RCOR3: variants seen among roughly 807,000 people sequenced by gnomAD.
The protein encoded by RCOR3 is REST corepressor 3.
Under a neutral mutation model 64.1 loss-of-function variants are expected in RCOR3, and 13 were observed. That is an observed-to-expected ratio of 0.20 (90% CI 0.13 to 0.32). The LOEUF is 0.32. Among genes scored for constraint, RCOR3 ranks in the 10% least tolerant of loss-of-function variants. The pLI, the probability that RCOR3 is intolerant of heterozygous loss-of-function variation, is 1.00. For missense variants in RCOR3, 489 were observed against 701.2 expected, an observed-to-expected ratio of 0.70 and a Z score of 3.42; for synonymous variants, 215 against 239.0, an observed-to-expected ratio of 0.90 and a Z score of 0.93.
rs764941008 is a variant in RCOR3 at position 211,289,354 on chromosome 1, C to A, written c.897C>A (p.Ile299=). 6.2e-7 allele frequency: 1 copy of A among 1,613,972 alleles called. No homozygotes were observed. The highest frequency in any genetic ancestry group is 1.7e-5 in the Admixed American group (1 of 59,996). ...GTAGTCCCAATGCAGCCAACACCAT[C>A]CTGAGGCAACTGGACATGGAGTTGA... The part of the protein sequence containing the change: ...VSCSPNAANT[I]LRQLDMELIS... Residue 299 remains isoleucine, a synonymous_variant, in exon 8 of 12, where the codon ATC becomes ATA. Transcript: ENST00000419091.
chr1:211,295,600 C>T (rs1447310339), intron 8 of RCOR3, 76 bp from the exon 9 acceptor site: 1 of 1,206,750 alleles, frequency 8.3e-7, no homozygotes, highest in Non-Finnish European at 1.2e-6. Flanking sequence ...GGAATATATT[C>T]TTTTCACTTA....
chr1:211,271,790 T>G (rs1696240282), intron 3 of RCOR3: 1 of 240,514 alleles, frequency 4.2e-6, no homozygotes, highest in South Asian at 5.5e-5. Flanking sequence ...ACCATGCACT[T>G]CTTGAATCAT....
chr1:211,298,802 C>T lies in RCOR3; in HGVS notation c.1017+3049C>T, dbSNP rs113249925. On this transcript the variant is annotated intron_variant, in intron 9 of 11. Transcript: ENST00000419091. Reference sequence around the variant, plus strand: ...CGGGCGGATCACGAGGTCAGGAGATCGAGACCATCCTGGCTAACACAGTGA... The same window carrying T: ...CGGGCGGATCACGAGGTCAGGAGATTGAGACCATCCTGGCTAACACAGTGA... 3.0e-3 allele frequency among the ~76,000 whole-genome samples: 454 copies of T among 151,770 alleles called. 3 individuals are homozygous for T. The highest frequency in any genetic ancestry group is 0.01 in the African/African-American group (424 of 41,386).
chr1:211,259,474 T>C lies in RCOR3; in HGVS notation c.-87T>C. ...GCCGCCGTCTCCTCCTCCTCCTCCT[T>C]TCCCTCCCGCCCGCGCTCTAAGCCA... On this transcript the variant is annotated 5_prime_UTR_variant, in exon 1 of 12. Coordinates refer to ENST00000419091, the MANE Select transcript of RCOR3 (RefSeq NM_001136223.3). 1.5e-6 allele frequency: 2 copies of C among 1,336,606 alleles called. No homozygotes were observed. The highest frequency in any genetic ancestry group is 1.4e-5 in the South Asian group (1 of 73,728). The allele number at this position is 1,336,606 out of a possible 1,614,324, so 82.8% of individuals were successfully genotyped here.
chr1:211,274,381 C>A (rs941068506), intron 4 of RCOR3, 119 bp downstream of exon 4: 14 of 565,330 alleles, frequency 2.5e-5, no homozygotes, highest in Non-Finnish European at 3.7e-5. Flanking sequence ...TTTATAGATA[C>A]CACAAAAGTC....
intron 7 of RCOR3, among the ~76,000 whole-genome samples, chr1:211,282,317 C>T (rs1284946955): frequency 1.3e-5 from 2 of 152,164 alleles, no homozygotes; most frequent in East Asian, 3.8e-4. Flanking sequence ...AAAGAAACTA[C>T]ATTATTGCTT....
At chr1:211,263,325 T>G (rs1197412952) in intron 2 of RCOR3, among the ~76,000 whole-genome samples, 2 of 152,144 alleles carry the variant, frequency 1.3e-5, no homozygotes, top group African/African-American at 4.8e-5. Context: ...CCAACTTAAT[T>G]GACGATAATA....
Position 211,259,546 on chromosome 1 carries a change from C to A in RCOR3, c.-15C>A. The A allele has an allele frequency of 2.6e-6, 4 of 1,546,096 alleles. No individual in the cohort carries two copies. Among genetic ancestry groups the A allele is most frequent in the Non-Finnish European group, 3.5e-6 (4 of 1,144,856 alleles). On this transcript the variant is annotated 5_prime_UTR_variant, in exon 1 of 12. Coordinates refer to ENST00000419091, the MANE Select transcript of RCOR3 (RefSeq NM_001136223.3). ...CTGCCTCTTCCCCTCACCTTTCCCC[C>A]TCCCCTGTTCTACCATGCCCGGCAT...
intron 5 of RCOR3, among the ~76,000 whole-genome samples, chr1:211,277,190 A>C (rs1164614798): frequency 6.6e-6 from 1 of 151,636 alleles, no homozygotes; most frequent in Non-Finnish European, 1.5e-5. Context: ...AATGGAGAGA[A>C]ACTGCTCTGT....
rs1421573786 is a variant in RCOR3 at position 211,312,824 on chromosome 1, A to G, written c.1180A>G (p.Asn394Asp). 1 of 1,614,092 alleles carries G rather than the reference A, an allele frequency of 6.2e-7. No individual in the cohort carries two copies. Among genetic ancestry groups the G allele is most frequent in the African/African-American group, 1.3e-5 (1 of 74,940 alleles). Reference protein sequence around the residue: ...NFFVNYRRRFNLEEVLQEWEA... With the variant: ...NFFVNYRRRFDLEEVLQEWEA... Reference sequence around the variant, plus strand: ...CTTTGTAAACTACAGGCGTCGGTTTAACTTAGAGGAGGTATTGCAGGAGTG... The same window carrying G: ...CTTTGTAAACTACAGGCGTCGGTTTGACTTAGAGGAGGTATTGCAGGAGTG... The change falls in exon 11 of 12, where the codon AAC becomes GAC. Residue 394 changes from asparagine (N) to aspartate (D), a missense_variant. Asn to Asp is a conservative substitution (Grantham distance 23, BLOSUM62 1). Transcript: ENST00000419091. The surrounding 1 kb of genome is among the most constrained non-coding windows in gnomAD (Gnocchi z 5.0).
Position 211,278,889 on chromosome 1 carries a change from A to G in RCOR3, c.642-349A>G, listed in dbSNP as rs1281250590. ...CAGTTTGATAAGAGCACTAGAATAC[A>G]ATAAAAAGAAGGGAATTGGTTGGGC... On this transcript the variant is annotated intron_variant, in intron 6 of 11. Transcript: ENST00000419091. 3.3e-5 allele frequency among the ~76,000 whole-genome samples: 5 copies of G among 152,272 alleles called. No individual in the cohort carries two copies. In the South Asian group the frequency reaches 8.3e-4, roughly 25 times the overall value.
chr1:211,259,907 A>G, intron 1 of RCOR3, 181 bp downstream of exon 1: 4 of 477,770 alleles, frequency 8.4e-6, no homozygotes, highest in East Asian at 4.9e-5. Flanking sequence ...TCCGCCCTCG[A>G]CCAATCCTCC....
At chr1:211,269,672 C>A (rs1157374188) in intron 2 of RCOR3, among the ~76,000 whole-genome samples, 12 of 152,060 alleles carry the variant, frequency 7.9e-5, no homozygotes, top group Admixed American at 7.9e-4. Context: ...ATTAGGTAGA[C>A]CAGAAAAATA....
At chr1:211,274,168 G>A (rs1696633935) in intron 3 of RCOR3, 42 bp from the exon 4 acceptor site, 4 of 1,329,198 alleles carry the variant, frequency 3.0e-6, no homozygotes, top group Non-Finnish European at 3.2e-6. Flanking sequence ...GGTAAATGAA[G>A]TAAATGAGAA....
chr1:211,276,557 C>T, intron 5 of RCOR3, 139 bp downstream of exon 5: 3 of 729,648 alleles, frequency 4.1e-6, no homozygotes, highest in Non-Finnish European at 6.3e-6. Context: ...TATTTATATA[C>T]AATCCTGTTT....
chr1:211,297,236 T>A (rs1699938267), intron 9 of RCOR3, among the ~76,000 whole-genome samples: 1 of 152,152 alleles, frequency 6.6e-6, no homozygotes, highest in Non-Finnish European at 1.5e-5. Context: ...TAACTTTATA[T>A]AAAGAAAGAT....
chr1:211,279,187 TAAAAAAA>T (rs10708960), intron 6 of RCOR3, 44 bp from the exon 7 acceptor site: 7 of 944,206 alleles, frequency 7.4e-6, no homozygotes, highest in African/African-American at 3.5e-5. Flanking sequence ...AACGCTGTCT[TAAAAAAA>T]AAAAAAAAGG....
chr1:211,271,121 T>G (rs964548342), intron 2 of RCOR3, 111 bp from the exon 3 acceptor site: 1 of 805,210 alleles, frequency 1.2e-6, no homozygotes, highest in Non-Finnish European at 2.0e-6. Flanking sequence ...CCTCCCAAAG[T>G]ACTGGGATTA....
chr1:211,260,066 C>A (rs772221597), intron 1 of RCOR3, 42 bp from the exon 2 acceptor site: 2 of 1,499,678 alleles, frequency 1.3e-6, no homozygotes, highest in Non-Finnish European at 1.8e-6. Flanking sequence ...TTCTTTTCTT[C>A]TTTTTTATTT....
Sources: allele counts gnomAD v4.1 joint callset (sites outside exome capture counted in the v4.1 genomes callset), GRCh38; gene constraint gnomAD v4.1.1; non-coding constraint Gnocchi (gnomAD v3.1); transcripts MANE v1.5; gene names NCBI Gene and HGNC (gene_info 2026-07-23, HGNC 2026-07-21).